HLA-DRB1: variants seen among roughly 807,000 people sequenced by gnomAD.
The protein encoded by HLA-DRB1 is major histocompatibility complex, class II, DR beta 1.
Under a neutral mutation model 27.9 loss-of-function variants are expected in HLA-DRB1, and 10 were observed. That is an observed-to-expected ratio of 0.36 (90% confidence interval 0.22 to 0.61). The LOEUF (loss-of-function observed/expected upper bound fraction) is 0.61, where lower values mean the gene tolerates loss of function less well. HLA-DRB1 is among the 20% of genes least tolerant of loss of function. The pLI is 0.73. For missense variants in HLA-DRB1, 118 were observed against 306.3 expected, an observed-to-expected ratio of 0.39 and a Z score of 4.59; for synonymous variants, 57 against 126.7, an observed-to-expected ratio of 0.45 and a Z score of 3.69.
chr6:32,582,120 A>G (rs35165753), intron 2 of HLA-DRB1, among the ~76,000 whole-genome samples: 1,064 of 102,096 alleles, frequency 0.01, no homozygotes, highest in Admixed American at 0.023. Context: ...TACAGAGTGT[A>G]GTAATTAAAA....
intron 2 of HLA-DRB1, among the ~76,000 whole-genome samples, chr6:32,583,234 G>C (rs34499249): frequency 0.31 from 15,825 of 51,714 alleles, 6,449 homozygotes; most frequent in Non-Finnish European, 0.34. Context: ...TAATTCAAAG[G>C]AATTACAAAT....
rs112950277 is a variant in HLA-DRB1 at position 32,586,870 on chromosome 6, G to T, written c.101-2492C>A. Among the ~76,000 whole-genome samples the T allele has an allele frequency of 1.8e-3, 137 of 74,106 alleles. No individual in the cohort carries two copies. In the East Asian group the frequency reaches 0.02, roughly 11 times the overall value. The allele number at this position is 74,106 out of a possible 152,430, so 48.6% of individuals were successfully genotyped here. ...AAAATCCTTAGGAATAAGCTTGATT[G>T]TTCTACCCCCTTTACAGTAATTCAT... On this transcript the variant is annotated intron_variant, in intron 1 of 5. Transcript: ENST00000360004.
At chr6:32,588,867 A>G (rs9270222) in intron 1 of HLA-DRB1, among the ~76,000 whole-genome samples, 84,021 of 120,296 alleles carry the variant, frequency 0.7, 31,260 homozygotes, top group Middle Eastern at 0.83. Context: ...AGGAGATGCA[A>G]GAGAAACAAG....
At chr6:32,588,561 C>G (rs35399335) in intron 1 of HLA-DRB1, among the ~76,000 whole-genome samples, 1,117 of 49,618 alleles carry the variant, frequency 0.023, 9 homozygotes, top group East Asian at 0.061. Context: ...AAAATAGAAA[C>G]TGGAGGAAGA....
chr6:32,589,044 C>T (rs28724224), intron 1 of HLA-DRB1, among the ~76,000 whole-genome samples: 27,939 of 77,900 alleles, frequency 0.36, 6,126 homozygotes, highest in Middle Eastern at 0.62. Flanking sequence ...CTTTTCCCCA[C>T]AAGAAAGGAA....
At chr6:32,589,040 C>T (rs1776962170) in intron 1 of HLA-DRB1, among the ~76,000 whole-genome samples, 2 of 110,594 alleles carry the variant, frequency 1.8e-5, no homozygotes, top group African/African-American at 6.6e-5. Flanking sequence ...GGGACTTTTC[C>T]CCACAAGAAA....
chr6:32,586,380 C>T (rs6900873), intron 1 of HLA-DRB1, among the ~76,000 whole-genome samples: 11 of 94,444 alleles, frequency 1.2e-4, no homozygotes, highest in East Asian at 6.3e-4. Context: ...TCCACCAAAC[C>T]CAGCACTTGC....
intron 5 of HLA-DRB1, among the ~76,000 whole-genome samples, chr6:32,579,599 A>G (rs41287236): frequency 5.0e-4 from 28 of 56,004 alleles, no homozygotes; most frequent in Non-Finnish European, 4.8e-4. Context: ...GTCCCTGCCC[A>G]TGTCCTGCAG....
chr6:32,582,026 G>GAA (rs1775607191), intron 2 of HLA-DRB1, among the ~76,000 whole-genome samples, 188 bp from the exon 3 acceptor site: 1 of 111,978 alleles, frequency 8.9e-6, no homozygotes, highest in African/African-American at 3.9e-5. Flanking sequence ...CATTAGATTT[G>GAA]AGAGGTGTTG....
chr6:32,586,160 C>T (rs796811290), intron 1 of HLA-DRB1, among the ~76,000 whole-genome samples: 6,319 of 111,490 alleles, frequency 0.057, 114 homozygotes, highest in Admixed American at 0.095. Flanking sequence ...AATGACTGAG[C>T]ATCTCTGGTT....
intron 1 of HLA-DRB1, among the ~76,000 whole-genome samples, chr6:32,585,582 T>G (rs113165415): frequency 0.24 from 31,649 of 131,504 alleles, 2,516 homozygotes; most frequent in East Asian, 0.29. Flanking sequence ...TTGTATTCCT[T>G]AATTCTAAAG....
chr6:32,583,849 C>T (rs1775906029), intron 2 of HLA-DRB1, among the ~76,000 whole-genome samples: 1 of 70,312 alleles, frequency 1.4e-5, no homozygotes, highest in Non-Finnish European at 2.9e-5. Context: ...AAGAAACAGC[C>T]CCCTCCTGCC....
At chr6:32,580,824 G>C (rs1203359833) in exon 4 of HLA-DRB1, 1 of 1,613,198 alleles carries the variant, frequency 6.2e-7, no homozygotes, top group Non-Finnish European at 8.5e-7. Flanking sequence ...ACTCCACTCA[G>C]CATCTTGCTC....
chr6:32,589,190 T>G (rs9270244), intron 1 of HLA-DRB1, among the ~76,000 whole-genome samples: 60,842 of 93,490 alleles, frequency 0.65, 22,014 homozygotes, highest in Middle Eastern at 0.77. Flanking sequence ...ATGAGGACTA[T>G]GGCCAACACC....
At chr6:32,588,467 A>ATT (rs1561839194) in intron 1 of HLA-DRB1, among the ~76,000 whole-genome samples, 2,207 of 48,674 alleles carry the variant, frequency 0.045, 174 homozygotes, top group Middle Eastern at 0.08. Context: ...AAGAGAAAAA[A>ATT]AGTCTCTTTC....
intron 2 of HLA-DRB1, among the ~76,000 whole-genome samples, chr6:32,582,696 A>C (rs41293554): frequency 0.22 from 15,211 of 70,716 alleles, 2,527 homozygotes; most frequent in African/African-American, 0.28. Context: ...CATTTAGCTG[A>C]TCAATGCATC....
At chr6:32,589,266 C>A (rs1345115583) in intron 1 of HLA-DRB1, among the ~76,000 whole-genome samples, 392 of 144,094 alleles carry the variant, frequency 2.7e-3, no homozygotes, top group Middle Eastern at 0.011. Flanking sequence ...CCTTGACTCC[C>A]ACAAAATTTT....
In HLA-DRB1 at chr6:32,581,460, A is replaced by C. The variant is rs866140198; in HGVS notation, c.652+97T>G. 3.3e-3 allele frequency: 1,633 copies of C among 499,096 alleles called. 1 individual carries two copies. Among genetic ancestry groups the C allele is most frequent in the African/African-American group, 0.017 (433 of 25,272 alleles). 30.9% of individuals were successfully genotyped at this position (499,096 alleles called of 1,614,324 possible). A position where few individuals can be genotyped will look rare whatever the true frequency, so the allele number is the denominator to read the frequency against. On this transcript the variant is annotated intron_variant, in intron 3 of 5. Coordinates refer to ENST00000360004, the Ensembl canonical transcript of HLA-DRB1. Reference sequence around the variant, plus strand: ...TGGAGATGAGAACATGGAGCAAATTAAAATAGGATGTGGGAGAGGAGGAAC... The same window carrying C: ...TGGAGATGAGAACATGGAGCAAATTCAAATAGGATGTGGGAGAGGAGGAAC...
At chr6:32,582,350 T>C (rs9269838) in intron 2 of HLA-DRB1, among the ~76,000 whole-genome samples, 10 of 119,182 alleles carry the variant, frequency 8.4e-5, no homozygotes, top group African/African-American at 3.5e-4. Context: ...AGAAAGCTTC[T>C]CACTCCATTC....
Sources: gnomAD v4.1 joint callset for allele counts (sites outside exome capture counted in the v4.1 genomes callset) on GRCh38, gnomAD v4.1.1 for gene constraint, MANE v1.5 for transcripts, NCBI Gene and HGNC (gene_info 2026-07-23, HGNC 2026-07-21) for gene names.